The following OR1D2 variants were observed in gnomAD, a reference collection of about 807,000 sequenced individuals.
OR1D2 encodes olfactory receptor 1D2.
For missense variants in OR1D2, 357 were observed against 376.1 expected (o/e 0.95, Z 0.42); for synonymous variants, 157 against 153.9 (o/e 1.02, Z -0.15).
At chr17:3,094,401 T>C (rs2047833041) in intron 1 of OR1D2, among the ~76,000 whole-genome samples, 1 of 151,220 alleles carries the variant, frequency 6.6e-6, no homozygotes, top group Admixed American at 6.6e-5. Flanking sequence ...AACATGTATA[T>C]GTAAAAATAT....
intron 1 of OR1D2, among the ~76,000 whole-genome samples, chr17:3,099,982 A>G (rs1283280180): frequency 6.6e-6 from 1 of 152,204 alleles, no homozygotes; most frequent in Non-Finnish European, 1.5e-5. Context: ...AAAGCTAACT[A>G]TCCTAAATAT....
At chr17:3,102,120 G>C (rs1049371330) in intron 1 of OR1D2, among the ~76,000 whole-genome samples, 1 of 152,172 alleles carries the variant, frequency 6.6e-6, no homozygotes, top group Non-Finnish European at 1.5e-5. Flanking sequence ...CAGCCAGTGT[G>C]CCAGGGAAGT....
rs1033140783 is a variant in OR1D2 at position 3,092,222 on chromosome 17, A to G, written c.775T>C (p.Tyr259His). The G allele has an allele frequency of 1.2e-6, 2 of 1,614,118 alleles. No individual in the cohort carries two copies. Among genetic ancestry groups the G allele is most frequent in the Non-Finnish European group, 1.7e-6 (2 of 1,179,948 alleles). ...GAGTAGGTATGGAGGGGCTTTAGGT[A>G]TACCATACAAAGTGTCCCATAGAAG... ...SLFYGTLCMV[Y>H]LKPLHTYSVK... The change falls in exon 2 of 2, where the codon TAC (tyrosine) becomes CAC (histidine). Residue 259 changes from tyrosine to histidine, a missense_variant. Transcript: ENST00000641833.
intron 1 of OR1D2, among the ~76,000 whole-genome samples, chr17:3,098,332 C>G (rs1323977020): frequency 1.3e-5 from 2 of 152,166 alleles, no homozygotes; most frequent in African/African-American, 4.8e-5. Context: ...ACCCATGATT[C>G]CTGTTCTCCA....
In OR1D2 at chr17:3,092,674, A is replaced by G; in HGVS notation, c.323T>C (p.Val108Ala). ...AGCCAGGATGAGGTTGTCCAGGGCCACCAAGGAGACCAGGAAGTAGAGCTG... is the reference window on the plus strand; with the variant it reads ...AGCCAGGATGAGGTTGTCCAGGGCCGCCAAGGAGACCAGGAAGTAGAGCTG... The part of the protein sequence containing the change: ...LTQLYFLVSL[V>A]ALDNLILAVM... Residue 108 changes from valine to alanine, a missense_variant, in exon 2 of 2, where the codon GTG becomes GCG. Val to Ala is a moderately conservative substitution (Grantham distance 64). Transcript: ENST00000641833. The G allele has an allele frequency of 6.2e-7, 1 of 1,614,150 alleles. No homozygotes were observed. Among genetic ancestry groups the G allele is most frequent in the East Asian group, 2.2e-5 (1 of 44,884 alleles).
chr17:3,101,684 A>G (rs925528570), intron 1 of OR1D2, among the ~76,000 whole-genome samples: 2 of 152,218 alleles, frequency 1.3e-5, no homozygotes, highest in Non-Finnish European at 2.9e-5. Context: ...ATCAGGCAAG[A>G]GAAAGAAATT....
At chr17:3,095,769 G>A (rs2047841812) in intron 1 of OR1D2, among the ~76,000 whole-genome samples, 1 of 151,876 alleles carries the variant, frequency 6.6e-6, no homozygotes, top group Non-Finnish European at 1.5e-5. Flanking sequence ...TGTATATGAT[G>A]TATCGTTGAG....
intron 1 of OR1D2, among the ~76,000 whole-genome samples, chr17:3,096,157 A>T (rs376471484): frequency 3.3e-5 from 5 of 152,298 alleles, no homozygotes; most frequent in East Asian, 1.9e-4. Flanking sequence ...AAGGAAGTGG[A>T]CAAGGAAAAT....
In OR1D2 at chr17:3,090,715, G is replaced by A. The variant is rs890473221; in HGVS notation, c.*1343C>T. On this transcript the variant is annotated 3_prime_UTR_variant, in exon 2 of 2. Transcript: ENST00000641833. ...AGGCCTAGTGCTTGGGGATGTGGGTGGATGGGCCAGCTTCTGGGCACCATG... is the reference window on the plus strand; with the variant it reads ...AGGCCTAGTGCTTGGGGATGTGGGTAGATGGGCCAGCTTCTGGGCACCATG... 5 of 152,292 alleles carry A rather than the reference G, an allele frequency of 3.3e-5. No individual in the cohort carries two copies. Among genetic ancestry groups the A allele is most frequent in the Admixed American group, 6.5e-5 (1 of 15,284 alleles). The allele number at this position is 152,292 out of a possible 1,614,324, so 9.4% of individuals were successfully genotyped here. A position where few individuals can be genotyped will look rare whatever the true frequency, so the allele number is the denominator to read the frequency against.
rs2151706451 is a variant in OR1D2 at position 3,091,456 on chromosome 17, T to G, written c.*602A>C. On this transcript the variant is annotated 3_prime_UTR_variant, in exon 2 of 2. Transcript: ENST00000641833. ...ATTACTTTTTAATTGATGAGTTAGG[T>G]CCATTTATGTTTAATGTAAATTTAT... The G allele has an allele frequency of 6.6e-6, 1 of 152,620 alleles. No individual in the cohort carries two copies. The highest frequency in any genetic ancestry group is 1.9e-4 in the East Asian group (1 of 5,194). The allele number at this position is 152,620 out of a possible 1,614,324, so 9.5% of individuals were successfully genotyped here. A position where few individuals can be genotyped will look rare whatever the true frequency, so the allele number is the denominator to read the frequency against.
chr17:3,103,316 C>T (rs968392301), intron 1 of OR1D2, among the ~76,000 whole-genome samples: 2 of 152,078 alleles, frequency 1.3e-5, no homozygotes, highest in East Asian at 1.9e-4. Flanking sequence ...TCTCGGCTCA[C>T]GGCAATCTCC....
intron 1 of OR1D2, among the ~76,000 whole-genome samples, chr17:3,099,643 A>T (rs2047865665): frequency 6.6e-6 from 1 of 152,188 alleles, no homozygotes; most frequent in South Asian, 2.1e-4. Flanking sequence ...ACCAGCTAGC[A>T]TCATGACAGG....
At chr17:3,095,509 A>C (rs2047840101) in intron 1 of OR1D2, among the ~76,000 whole-genome samples, 1 of 152,110 alleles carries the variant, frequency 6.6e-6, no homozygotes, top group African/African-American at 2.4e-5. Context: ...AAAACTACTA[A>C]AGAAATTTCT....
At chr17:3,093,184 A>G (rs2047826412) in intron 1 of OR1D2, 138 bp from the exon 2 acceptor site, 2 of 622,312 alleles carry the variant, frequency 3.2e-6, no homozygotes, top group Middle Eastern at 3.1e-4. Flanking sequence ...TAATTATTTC[A>G]GCTACTTCAA....
At position 3,091,072 on chromosome 17, in the gene OR1D2, T is replaced by A. The variant is rs1465975850; in HGVS notation, c.*986A>T. ...TAATGTGACAGAGTTTTTTCTACAA[T>A]GTTCAATATGGTGTTTTTTCTACTT... is the stretch of plus-strand genomic sequence containing the variant. On this transcript the variant is annotated 3_prime_UTR_variant, in exon 2 of 2. Coordinates refer to ENST00000641833, the MANE Select transcript of OR1D2 (RefSeq NM_002548.3). 1 of 152,210 alleles carries A rather than the reference T, an allele frequency of 6.6e-6. No homozygotes were observed. The highest frequency in any genetic ancestry group is 1.5e-5 in the Non-Finnish European group (1 of 68,038). 9.4% of individuals were successfully genotyped at this position (152,210 alleles called of 1,614,324 possible). A position where few individuals can be genotyped will look rare whatever the true frequency, so the allele number is the denominator to read the frequency against.
chr17:3,099,889 C>G (rs1193224242), intron 1 of OR1D2, among the ~76,000 whole-genome samples: 1 of 152,126 alleles, frequency 6.6e-6, no homozygotes, highest in Non-Finnish European at 1.5e-5. Context: ...CAATCCTAGT[C>G]TCTGACAAAA....
chr17:3,098,878 A>G (rs1253455033), intron 1 of OR1D2, among the ~76,000 whole-genome samples: 2 of 152,184 alleles, frequency 1.3e-5, no homozygotes, highest in Non-Finnish European at 2.9e-5. Flanking sequence ...AACTTCATGA[A>G]GCATGCACAA....
rs759945510 is a variant in OR1D2, at chr17:3,092,234, G to A, written c.763C>T (p.Leu255Phe). The A allele has an allele frequency of 2.5e-6, 4 of 1,614,182 alleles. No individual in the cohort carries two copies. In the South Asian group the frequency reaches 3.3e-5, roughly 13 times the overall value. Residue 255 changes from leucine to phenylalanine, a missense_variant, in exon 2 of 2, where the codon CTT becomes TTT. By Grantham distance (22) the Leu-to-Phe change is conservative (BLOSUM62 0). Coordinates refer to ENST00000641833, the MANE Select transcript of OR1D2 (RefSeq NM_002548.3). ...LGAVSLFYGTLCMVYLKPLHT... is the reference protein window; with the variant it reads ...LGAVSLFYGTFCMVYLKPLHT... ...AGGGGCTTTAGGTATACCATACAAA[G>A]TGTCCCATAGAAGAGGGAGACTGCA... is the stretch of plus-strand genomic sequence containing the variant.
Position 3,091,322 on chromosome 17 carries a change from AAT to A in OR1D2, c.*734_*735del, listed in dbSNP as rs2047806515. ...CACTTAAAATATTTAGTATTTTCCA[AAT>A]ATGTCTGTTTCTCTTTTTAATTTCA... On this transcript the variant is annotated 3_prime_UTR_variant, in exon 2 of 2. Coordinates refer to ENST00000641833, the MANE Select transcript of OR1D2 (RefSeq NM_002548.3). The A allele has an allele frequency of 6.6e-6, 1 of 152,152 alleles. No individual in the cohort carries two copies. The highest frequency in any genetic ancestry group is 1.5e-5 in the Non-Finnish European group (1 of 68,034). The allele number at this position is 152,152 out of a possible 1,614,324, so 9.4% of individuals were successfully genotyped here.
Sources: allele counts gnomAD v4.1 joint callset (sites outside exome capture counted in the v4.1 genomes callset), GRCh38; gene constraint gnomAD v4.1.1; transcripts MANE v1.5; gene names NCBI Gene and HGNC (gene_info 2026-07-23, HGNC 2026-07-21).